Variants in PPARA observed in about 807,000 individuals in gnomAD.
PPARA encodes the protein peroxisome proliferator activated receptor alpha, also known as peroxisome proliferator-activated receptor alpha.
In PPARA, 22 loss-of-function variants were observed where a neutral mutation model predicts 42.2. The ratio of observed to expected loss-of-function variants is 0.52; its 90% confidence interval spans 0.37 to 0.74. PPARA has a LOEUF of 0.74. PPARA is among the 30% of genes least tolerant of loss of function. PPARA has a pLI of 0.00. For synonymous variants in PPARA, 242 were observed against 239.3 expected (o/e 1.01, Z -0.10); for missense variants, 465 against 608.2 (o/e 0.76, Z 2.48).
At chr22:46,175,754 G>T (rs1352466877) in intron 2 of PPARA, among the ~76,000 whole-genome samples, 1 of 151,784 alleles carries the variant, frequency 6.6e-6, no homozygotes, top group Non-Finnish European at 1.5e-5. Context: ...GAATCATATG[G>T]CATATAACCG....
chr22:46,201,756 C>A (rs1269540268), intron 4 of PPARA, among the ~76,000 whole-genome samples: 1 of 152,034 alleles, frequency 6.6e-6, no homozygotes, highest in African/African-American at 2.4e-5. Flanking sequence ...GATCACCAGC[C>A]CAGAACCCAG....
rs541064644 is a variant in PPARA at position 46,201,016 on chromosome 22, C to T, written c.208+2425C>T. On this transcript the variant is annotated intron_variant, in intron 4 of 8. Coordinates refer to ENST00000407236, the MANE Select transcript of PPARA (RefSeq NM_005036.6). The stretch of plus-strand genomic sequence containing the variant: ...ATCACTTGAGGTCAGGAGTTAAAGA[C>T]CAGCCTGGTCAACATGGTGAAACCC... 2.0e-5 allele frequency among the ~76,000 whole-genome samples: 3 copies of T among 152,004 alleles called. No individual in the cohort carries two copies. The East Asian group carries it at 5.8e-4, about 29-fold the overall frequency.
At chr22:46,207,322 C>T (rs999327366) in intron 4 of PPARA, among the ~76,000 whole-genome samples, 11 of 144,562 alleles carry the variant, frequency 7.6e-5, no homozygotes, top group African/African-American at 2.8e-4. Context: ...CGCTCTATCA[C>T]CCAGGCTGGA....
rs1174320234 is a variant in PPARA at position 46,227,241 on chromosome 22, A to G, written c.712-4551A>G. Among the ~76,000 whole-genome samples the G allele has an allele frequency of 1.3e-5, 2 of 151,902 alleles. No individual in the cohort carries two copies. The highest frequency in any genetic ancestry group is 4.8e-5 in the African/African-American group (2 of 41,280). On this transcript the variant is annotated intron_variant, in intron 7 of 8. Coordinates refer to ENST00000407236, the MANE Select transcript of PPARA (RefSeq NM_005036.6). This position sits in a 1 kb window ranked among gnomAD's most constrained non-coding sequence, Gnocchi z 4.3. ...CAAAGCAGTTCTACCAGTGCTTCAC[A>G]TTTATTTTTTATTTATTTATTTATT...
Position 46,211,973 on chromosome 22 carries a change from T to C in PPARA, c.209-3200T>C, listed in dbSNP as rs1933980753. ...TCCCAAAGTGTTGGGATTACAGGCGTGAGCCACCACACCCGGTCTCTCTCC... is the reference window on the plus strand; with the variant it reads ...TCCCAAAGTGTTGGGATTACAGGCGCGAGCCACCACACCCGGTCTCTCTCC... On this transcript the variant is annotated intron_variant, in intron 4 of 8. Coordinates refer to ENST00000407236, the MANE Select transcript of PPARA (RefSeq NM_005036.6). The surrounding 1 kb of genome is among the most constrained non-coding windows in gnomAD (Gnocchi z 4.1). Among the ~76,000 whole-genome samples, 1 of 151,892 alleles carries C rather than the reference T, an allele frequency of 6.6e-6. No homozygotes were observed. The highest frequency in any genetic ancestry group is 6.6e-5 in the Admixed American group (1 of 15,242).
chr22:46,154,392 T>C (rs1924937930), intron 2 of PPARA, among the ~76,000 whole-genome samples: 1 of 152,116 alleles, frequency 6.6e-6, no homozygotes, highest in African/African-American at 2.4e-5. Context: ...CCGAAGGGGA[T>C]GGATTGCTTG....
At chr22:46,228,980 G>A (rs989533645) in intron 7 of PPARA, among the ~76,000 whole-genome samples, 6 of 151,846 alleles carry the variant, frequency 4.0e-5, no homozygotes, top group African/African-American at 4.8e-5. Context: ...GGTGGCGGGC[G>A]CCTGTAGTCC....
intron 4 of PPARA, among the ~76,000 whole-genome samples, chr22:46,209,792 C>T (rs945890848): frequency 1.3e-5 from 2 of 152,148 alleles, no homozygotes; most frequent in Admixed American, 1.3e-4. Flanking sequence ...GTTACTCAGG[C>T]TGGAGCGCAG....
chr22:46,152,783 G>A (rs1350743261), intron 2 of PPARA, among the ~76,000 whole-genome samples: 2 of 152,146 alleles, frequency 1.3e-5, no homozygotes, highest in African/African-American at 4.8e-5. Flanking sequence ...CAACTCTGAA[G>A]CAAAAGTAAA....
rs759152583 is a variant in PPARA, at chr22:46,165,457, C to T, written c.-126-11296C>T. The T allele has an allele frequency of 4.6e-5, 7 of 152,216 alleles. No individual in the cohort carries two copies. The highest frequency in any genetic ancestry group is 2.1e-4 in the South Asian group (1 of 4,834). 9.4% of individuals were successfully genotyped at this position (152,216 alleles called of 1,614,324 possible). The stretch of plus-strand genomic sequence containing the variant: ...TACAAGATAGTGAAGAACTGCCAGG[C>T]CATGGTCTGGAGAAGATGGAAACTT... On this transcript the variant is annotated intron_variant, in intron 2 of 8. Coordinates refer to ENST00000407236, the MANE Select transcript of PPARA (RefSeq NM_005036.6). This position sits in a 1 kb window ranked among gnomAD's most constrained non-coding sequence, Gnocchi z 5.5.
At chr22:46,207,918 C>T (rs1933552107) in intron 4 of PPARA, among the ~76,000 whole-genome samples, 1 of 151,630 alleles carries the variant, frequency 6.6e-6, no homozygotes, top group Non-Finnish European at 1.5e-5. Flanking sequence ...CTCCTGGCCT[C>T]AAGCAATCCT....
chr22:46,210,233 C>T (rs916961488), intron 4 of PPARA, among the ~76,000 whole-genome samples: 3 of 142,874 alleles, frequency 2.1e-5, no homozygotes, highest in Middle Eastern at 3.5e-3. Context: ...TGCTTGAACC[C>T]GGGAGGCAGA....
intron 2 of PPARA, among the ~76,000 whole-genome samples, chr22:46,174,007 C>CCTGGCCAACATGGTGAAACCCTG (rs58905114): frequency 4.1e-5 from 6 of 148,088 alleles, no homozygotes; most frequent in African/African-American, 1.5e-4. Context: ...GATCGAGACC[C>CCTGGCCAACATGGTGAAACCCTG]TCTCTACTAA....
chr22:46,240,429 T>C lies in PPARA; in HGVS notation c.*5049T>C. On this transcript the variant is annotated 3_prime_UTR_variant, in exon 9 of 9. Coordinates refer to ENST00000407236, the MANE Select transcript of PPARA (RefSeq NM_005036.6). The surrounding 1 kb of genome is among the most constrained non-coding windows in gnomAD (Gnocchi z 6.0). ...TGCAAGGATAGGTGACCCAGGGGCC[T>C]GCAGCCTTGTCCTCAGCTCCCATCT... 1 of 394,962 alleles carries C rather than the reference T, an allele frequency of 2.5e-6. No homozygotes were observed. The highest frequency in any genetic ancestry group is 6.3e-4 in the Middle Eastern group (1 of 1,576). The allele number at this position is 394,962 out of a possible 1,614,324, so 24.5% of individuals were successfully genotyped here.
chr22:46,174,665 A>T (rs1215135691), intron 2 of PPARA, among the ~76,000 whole-genome samples: 2 of 152,034 alleles, frequency 1.3e-5, no homozygotes, highest in African/African-American at 4.8e-5. Context: ...AAAATTTAAA[A>T]AATTATCCAG....
rs918881807 is a variant in PPARA, at chr22:46,167,301, A to G, written c.-126-9452A>G. ...CATATTATATTATGTAATATATATT[A>G]TATGATACTGTTATGTCATATAATT... On this transcript the variant is annotated intron_variant, in intron 2 of 8. Coordinates refer to ENST00000407236, the MANE Select transcript of PPARA (RefSeq NM_005036.6). The surrounding 1 kb of genome is among the most constrained non-coding windows in gnomAD (Gnocchi z 4.1). Among the ~76,000 whole-genome samples, 1 of 151,414 alleles carries G rather than the reference A, an allele frequency of 6.6e-6. No homozygotes were observed. Among genetic ancestry groups the G allele is most frequent in the African/African-American group, 2.4e-5 (1 of 41,252 alleles).
rs959312540 is a variant in PPARA, at chr22:46,239,136, T to G, written c.*3756T>G. 6.6e-6 allele frequency: 1 copy of G among 152,116 alleles called. No individual in the cohort carries two copies. The highest frequency in any genetic ancestry group is 1.5e-5 in the Non-Finnish European group (1 of 68,030). 9.4% of individuals were successfully genotyped at this position (152,116 alleles called of 1,614,324 possible). A position where few individuals can be genotyped will look rare whatever the true frequency, so the allele number is the denominator to read the frequency against. On this transcript the variant is annotated 3_prime_UTR_variant, in exon 9 of 9. Transcript: ENST00000407236. Reference sequence around the variant, plus strand: ...GCTGTGTTTTGTTTTGTTTCGCATTTAGAGAGCAGACAAGGCACCCTTCTG... The same window carrying G: ...GCTGTGTTTTGTTTTGTTTCGCATTGAGAGAGCAGACAAGGCACCCTTCTG...
rs184170220 is a variant in PPARA, at chr22:46,222,250, G to T, written c.711+2236G>T. Among the ~76,000 whole-genome samples, 2 of 150,162 alleles carry T rather than the reference G, an allele frequency of 1.3e-5. No individual in the cohort carries two copies. Among genetic ancestry groups the T allele is most frequent in the African/African-American group, 4.9e-5 (2 of 40,768 alleles). The stretch of plus-strand genomic sequence containing the variant: ...CTCCCCAACAGTTAAATAAGTCTTT[G>T]TCTCCATTACAAAACAAATCTCAGA... On this transcript the variant is annotated intron_variant, in intron 7 of 8. Coordinates refer to ENST00000407236, the MANE Select transcript of PPARA (RefSeq NM_005036.6). This position sits in a 1 kb window ranked among gnomAD's most constrained non-coding sequence, Gnocchi z 5.9.
In PPARA at chr22:46,234,026, A is replaced by G. The variant is rs1045616081; in HGVS notation, c.1160-1107A>G. ...TTTAGTAAAGATGGGGTTTCACCAT[A>G]TTGGCCAGGCTGGTCTCAAACTCCT... On this transcript the variant is annotated intron_variant, in intron 8 of 8. Transcript: ENST00000407236. The surrounding 1 kb of genome is among the most constrained non-coding windows in gnomAD (Gnocchi z 5.8). 3.9e-5 allele frequency among the ~76,000 whole-genome samples: 6 copies of G among 152,028 alleles called. No individual in the cohort carries two copies. The highest frequency in any genetic ancestry group is 8.8e-5 in the Non-Finnish European group (6 of 68,020).
Sources: gnomAD v4.1 joint callset for allele counts (sites outside exome capture counted in the v4.1 genomes callset) on GRCh38, gnomAD v4.1.1 for gene constraint, Gnocchi (gnomAD v3.1) non-coding constraint, MANE v1.5 for transcripts, NCBI Gene and HGNC (gene_info 2026-07-23, HGNC 2026-07-21) for gene names.